STAB2: variants seen among roughly 807,000 people sequenced by gnomAD.
STAB2 encodes stabilin 2.
Under a neutral mutation model 338.1 loss-of-function variants are expected in STAB2, and 288 were observed. The ratio of observed to expected loss-of-function variants is 0.85; its 90% CI spans 0.77 to 0.94. STAB2 has a LOEUF of 0.94. STAB2 is among the 40% of genes least tolerant of loss of function. STAB2 has a pLI of 0.00. For synonymous variants in STAB2, 1,202 were observed against 1,193.3 expected (o/e 1.01, Z -0.15); for missense variants, 3,141 against 3,210.1 (o/e 0.98, Z 0.52).
At chr12:103,655,095 C>T (rs566685682) in intron 13 of STAB2, among the ~76,000 whole-genome samples, 156 bp from the exon 14 acceptor site, 5 of 152,294 alleles carry the variant, frequency 3.3e-5, no homozygotes, top group African/African-American at 7.2e-5. Context: ...TCAACGACAG[C>T]GAACATTTAT....
In STAB2 at chr12:103,678,112, C is replaced by G. The variant is rs1483239719; in HGVS notation, c.2805+501C>G. On this transcript the variant is annotated intron_variant, in intron 25 of 68. Coordinates refer to ENST00000388887, the MANE Select transcript of STAB2 (RefSeq NM_017564.10). Reference sequence around the variant, plus strand: ...CATCCATCCCCACCTGCTTCCACCTCTTTCCACAGGTAGGACCAACAGGTG... The same window carrying G: ...CATCCATCCCCACCTGCTTCCACCTGTTTCCACAGGTAGGACCAACAGGTG... Among the ~76,000 whole-genome samples the G allele has an allele frequency of 3.9e-5, 6 of 152,228 alleles. No individual in the cohort carries two copies. The East Asian group carries it at 7.7e-4, about 20-fold the overall frequency.
Position 103,684,979 on chromosome 12 carries a change from G to T in STAB2, c.2902-10G>T, listed in dbSNP as rs759326773. 4 of 1,613,390 alleles carry T rather than the reference G, an allele frequency of 2.5e-6. No homozygotes were observed. The highest frequency in any genetic ancestry group is 1.7e-5 in the Admixed American group (1 of 59,972). On this transcript the variant is annotated splice_polypyrimidine_tract_variant and intron_variant, in intron 26 of 68. Transcript: ENST00000388887. ...TGGGGTAACCATTTCTTTCATCTTG[G>T]TTTTCTCAGGCAAGCTGTCAATCTA...
chr12:103,613,025 G>C (rs2138605262), intron 3 of STAB2, among the ~76,000 whole-genome samples: 1 of 152,304 alleles, frequency 6.6e-6, no homozygotes, highest in South Asian at 2.1e-4. Flanking sequence ...AGCAAATGTT[G>C]CTGCCTGATT....
At chr12:103,669,210 A>G in intron 20 of STAB2, 1 of 308,358 alleles carries the variant, frequency 3.2e-6, no homozygotes, top group East Asian at 6.8e-5. Flanking sequence ...CCCAGCACTC[A>G]CCGTTCTCTG....
chr12:103,709,235 A>C (rs1879630788), intron 39 of STAB2, among the ~76,000 whole-genome samples: 1 of 152,220 alleles, frequency 6.6e-6, no homozygotes, highest in African/African-American at 2.4e-5. Context: ...CTGGAATACC[A>C]CAACGACATG....
rs760715423 is a variant in STAB2, at chr12:103,758,243, G to A, written c.7061G>A (p.Arg2354His). Residue 2354 changes from arginine to histidine, a missense_variant, in exon 64 of 69, where the codon CGC becomes CAC. Coordinates refer to ENST00000388887, the MANE Select transcript of STAB2 (RefSeq NM_017564.10). ...GAACACCTGACTGACCTGTCCATCC[G>A]CGGCACCCTCTTTGTGCCACAGAAC... ...FLEHLTDLSI[R>H]GTLFVPQNSG... 16 of 1,614,102 alleles carry A rather than the reference G, an allele frequency of 9.9e-6. No individual in the cohort carries two copies. The highest frequency in any genetic ancestry group is 3.3e-5 in the South Asian group (3 of 91,084).
intron 25 of STAB2, 96 bp downstream of exon 25, chr12:103,677,707 T>C: frequency 6.9e-7 from 1 of 1,446,144 alleles, no homozygotes. Context: ...TAGAACTTAC[T>C]GCAGCTTTTT....
Position 103,762,339 on chromosome 12 carries a change from T to A in STAB2, c.7425T>A (p.Val2475=). The change falls in exon 67 of 69, where the codon GTT becomes GTA. Residue 2475 remains valine, a synonymous_variant. Transcript: ENST00000388887. ...FFAIILVTGA[V]ALAAYSYFRI... is the part of the protein sequence containing the mutation. Reference sequence around the variant, plus strand: ...CCATCATCCTGGTGACTGGGGCTGTTGCCTTGGCTGCTTACTCCTACTTTC... The same window carrying A: ...CCATCATCCTGGTGACTGGGGCTGTAGCCTTGGCTGCTTACTCCTACTTTC... The A allele has an allele frequency of 1.2e-6, 2 of 1,614,214 alleles. No homozygotes were observed. The highest frequency in any genetic ancestry group is 1.7e-6 in the Non-Finnish European group (2 of 1,180,038).
chr12:103,737,198 C>A (rs1335281579), intron 52 of STAB2, among the ~76,000 whole-genome samples: 1 of 152,186 alleles, frequency 6.6e-6, no homozygotes, highest in Non-Finnish European at 1.5e-5. Flanking sequence ...TCACCCACTG[C>A]TGACGTTTCT....
At chr12:103,602,950 A>C (rs1316641955) in intron 3 of STAB2, among the ~76,000 whole-genome samples, 1 of 152,214 alleles carries the variant, frequency 6.6e-6, no homozygotes, top group Non-Finnish European at 1.5e-5. Context: ...TCATATCTAG[A>C]AATCTTTGAC....
chr12:103,761,008 T>C (rs77796780), intron 65 of STAB2, among the ~76,000 whole-genome samples: 3 of 151,698 alleles, frequency 2.0e-5, no homozygotes, highest in East Asian at 1.9e-4. Flanking sequence ...GTTTGCTACT[T>C]CCTGGGTGAT....
intron 2 of STAB2, chr12:103,591,966 T>C (rs1956805637): frequency 1.3e-5 from 2 of 152,210 alleles, no homozygotes; most frequent in South Asian, 4.1e-4. Context: ...TTATTTTGCA[T>C]GAAATGAAAT....
At position 103,759,155 on chromosome 12, in the gene STAB2, A is replaced by G; in HGVS notation, c.7130A>G (p.Glu2377Gly). The G allele has an allele frequency of 6.2e-7, 1 of 1,614,112 alleles. No individual in the cohort carries two copies. The highest frequency in any genetic ancestry group is 1.3e-5 in the African/African-American group (1 of 75,008). Residue 2377 changes from glutamate to glycine, a missense_variant, in exon 65 of 69, where the codon GAG becomes GGG. Coordinates refer to ENST00000388887, the MANE Select transcript of STAB2 (RefSeq NM_017564.10). ...ENETLSGRDIEHHLANVSMFF... is the reference protein window; with the variant it reads ...ENETLSGRDIGHHLANVSMFF... ...CAGACCTTGTCTGGGCGGGACATCG[A>G]GCACCACCTCGCCAATGTCAGCATG...
chr12:103,593,445 C>T (rs924933814), intron 2 of STAB2, among the ~76,000 whole-genome samples: 1 of 152,114 alleles, frequency 6.6e-6, no homozygotes, highest in African/African-American at 2.4e-5. Context: ...CCTTTTTATA[C>T]ACCTATTGGC....
At chr12:103,594,294 G>C (rs1956842443) in intron 2 of STAB2, 101 bp from the exon 3 acceptor site, 1 of 827,248 alleles carries the variant, frequency 1.2e-6, no homozygotes, top group Non-Finnish European at 2.0e-6. Context: ...TTTAACTGTA[G>C]ATAAATATTA....
At chr12:103,732,921 G>A (rs2139084446) in intron 50 of STAB2, 85 bp from the exon 51 acceptor site, 2 of 1,511,660 alleles carry the variant, frequency 1.3e-6, no homozygotes, top group Non-Finnish European at 1.8e-6. Flanking sequence ...GCTTGAGCAT[G>A]GAGGAGAATC....
chr12:103,690,587 TTA>T, intron 30 of STAB2, 49 bp downstream of exon 30: 1 of 1,523,386 alleles, frequency 6.6e-7, no homozygotes, highest in Non-Finnish European at 9.0e-7. Flanking sequence ...ACAGCTTTGT[TTA>T]TATTGTACTT....
At chr12:103,683,177 C>T in intron 25 of STAB2, 28 bp from the exon 26 acceptor site, 1 of 1,595,208 alleles carries the variant, frequency 6.3e-7, no homozygotes, top group Non-Finnish European at 8.6e-7. Context: ...TTTCAATAAT[C>T]CACTTGACTC....
rs577272432 is a variant in STAB2 at position 103,710,483 on chromosome 12, ACACT to A, written c.4289-986_4289-983del. Among the ~76,000 whole-genome samples, 4 of 152,310 alleles carry A rather than the reference ACACT, an allele frequency of 2.6e-5. 1 individual carries two copies. The East Asian group carries it at 7.7e-4, about 29-fold the overall frequency. Reference sequence around the variant, plus strand: ...CAGCAGACATCACTAATCAATCATGACACTCCCTCCCTCTGTGACCAGCCAGGGG... The same window carrying A: ...CAGCAGACATCACTAATCAATCATGACCCTCCCTCTGTGACCAGCCAGGGG... On this transcript the variant is annotated intron_variant, in intron 39 of 68. Transcript: ENST00000388887.
Sources: gnomAD v4.1 joint callset for allele counts (sites outside exome capture counted in the v4.1 genomes callset) on GRCh38, gnomAD v4.1.1 for gene constraint, MANE v1.5 for transcripts, NCBI Gene and HGNC (gene_info 2026-07-23, HGNC 2026-07-21) for gene names.